The following ERBB4 variants were observed in gnomAD, a reference collection of about 807,000 sequenced individuals.
ERBB4 encodes the protein receptor tyrosine-protein kinase erbB-4.
A neutral mutation model predicts 158.0 loss-of-function variants in ERBB4; 42 were observed. That is an observed-to-expected ratio of 0.27 (90% CI 0.21 to 0.34). The LOEUF is 0.34. Among genes scored for constraint, ERBB4 ranks in the 10% least tolerant of loss-of-function variants. ERBB4 has a pLI of 1.00. For synonymous variants in ERBB4, 583 were observed against 558.7 expected, an observed-to-expected ratio of 1.04 and a Z score of -0.61; for missense variants, 1,333 against 1,624.1, an observed-to-expected ratio of 0.82 and a Z score of 3.08.
intron 2 of ERBB4, among the ~76,000 whole-genome samples, chr2:211,952,259 T>G (rs1029992600): frequency 2.6e-5 from 4 of 152,076 alleles, no homozygotes; most frequent in Non-Finnish European, 4.4e-5. Flanking sequence ...GAAACTCCAG[T>G]GCAGATCATG....
intron 3 of ERBB4, among the ~76,000 whole-genome samples, chr2:211,800,578 G>A (rs1460909417): frequency 6.7e-6 from 1 of 150,260 alleles, no homozygotes; most frequent in African/African-American, 2.4e-5. Flanking sequence ...TTTCCCTGAA[G>A]TCCTTTTTGA....
chr2:212,128,837 G>T (rs2080021789), intron 1 of ERBB4, among the ~76,000 whole-genome samples: 2 of 152,040 alleles, frequency 1.3e-5, no homozygotes, highest in Admixed American at 1.3e-4. Flanking sequence ...ATAAGGAGAA[G>T]AAGAAGAAAA....
chr2:211,697,422 CT>C (rs1186719944), intron 12 of ERBB4, among the ~76,000 whole-genome samples: 3 of 151,972 alleles, frequency 2.0e-5, no homozygotes, highest in Non-Finnish European at 2.9e-5. Context: ...AAAGAACAAT[CT>C]AGTCACTTAA....
intron 1 of ERBB4, among the ~76,000 whole-genome samples, chr2:212,407,177 TAACAC>T (rs1037932071): frequency 9.2e-5 from 14 of 151,374 alleles, no homozygotes; most frequent in African/African-American, 3.4e-4. Context: ...CTATATGATA[TAACAC>T]ATATAAATAC....
chr2:211,658,078 G>A (rs534669486), intron 15 of ERBB4: 153 of 975,916 alleles, frequency 1.6e-4, no homozygotes, highest in African/African-American at 8.5e-4. Context: ...TGATTGTCTC[G>A]AATTCTTATA....
chr2:212,022,834 T>A (rs1006486736), intron 2 of ERBB4, among the ~76,000 whole-genome samples: 12 of 152,086 alleles, frequency 7.9e-5, no homozygotes, highest in African/African-American at 2.4e-4. Context: ...AGTATCCTCT[T>A]TTGAAAGGCA....
intron 3 of ERBB4, among the ~76,000 whole-genome samples, chr2:211,905,744 G>GTATA (rs66837219): frequency 0.011 from 1,270 of 119,356 alleles, 30 homozygotes; most frequent in African/African-American, 0.031. Flanking sequence ...GCATGTGTGT[G>GTATA]TATATATATA....
chr2:212,198,566 T>C (rs902429498), intron 1 of ERBB4, among the ~76,000 whole-genome samples: 6 of 152,080 alleles, frequency 3.9e-5, no homozygotes, highest in Admixed American at 6.6e-5. Flanking sequence ...AATAATATTA[T>C]ACTGTATCTG....
intron 20 of ERBB4, among the ~76,000 whole-genome samples, chr2:211,540,219 T>TAC (rs1559275703): frequency 2.0e-5 from 3 of 150,328 alleles, no homozygotes; most frequent in African/African-American, 7.3e-5. Flanking sequence ...CACACACATA[T>TAC]ATATAATACA....
chr2:212,164,534 G>A (rs2081292181), intron 1 of ERBB4, among the ~76,000 whole-genome samples: 1 of 151,638 alleles, frequency 6.6e-6, no homozygotes, highest in Non-Finnish European at 1.5e-5. Context: ...TTGAAATACT[G>A]TACAAACAAA....
At chr2:211,796,653 G>T (rs1340104295) in intron 3 of ERBB4, among the ~76,000 whole-genome samples, 2 of 151,808 alleles carry the variant, frequency 1.3e-5, no homozygotes, top group African/African-American at 4.8e-5. Flanking sequence ...GTGTATAGTG[G>T]TATTATTTTA....
chr2:212,082,366 CAT>C (rs1559463664), intron 2 of ERBB4, among the ~76,000 whole-genome samples: 1 of 151,858 alleles, frequency 6.6e-6, no homozygotes, highest in African/African-American at 2.4e-5. Context: ...GCTTGTTAAA[CAT>C]AGCAATATTG....
chr2:211,704,922 C>G lies in ERBB4; in HGVS notation c.1198+396G>C, dbSNP rs139961764. On this transcript the variant is annotated intron_variant, in intron 10 of 27. Transcript: ENST00000342788. ...TGCTTTGAAAATTAGTTGCTGATTC[C>G]AATCTTATGTAACTTTTTTTGTTTT... Among the ~76,000 whole-genome samples the G allele has an allele frequency of 6.1e-4, 93 of 151,918 alleles. 1 individual carries two copies. The highest frequency in any genetic ancestry group is 2.2e-3 in the African/African-American group (91 of 41,450).
intron 3 of ERBB4, among the ~76,000 whole-genome samples, chr2:211,790,366 G>A (rs1314175800): frequency 6.6e-6 from 1 of 151,934 alleles, no homozygotes. Context: ...CAGAAAGAGT[G>A]TATATTTTTC....
chr2:211,574,345 A>C (rs1340153328), intron 19 of ERBB4, among the ~76,000 whole-genome samples: 1 of 152,220 alleles, frequency 6.6e-6, no homozygotes, highest in African/African-American at 2.4e-5. Context: ...AAGATGGCTA[A>C]AGTAGATTTT....
At chr2:211,562,588 A>G (rs1433742086) in intron 19 of ERBB4, among the ~76,000 whole-genome samples, 1 of 152,190 alleles carries the variant, frequency 6.6e-6, no homozygotes, top group East Asian at 1.9e-4. Context: ...GGAAATGTAG[A>G]TAATTACAAG....
At chr2:211,404,417 CCT>C (rs1356740932) in intron 25 of ERBB4, among the ~76,000 whole-genome samples, 2 of 152,130 alleles carry the variant, frequency 1.3e-5, no homozygotes, top group East Asian at 1.9e-4. Context: ...TGCTCTTCTC[CCT>C]CTCTGTCAAC....
At position 211,918,883 on chromosome 2, in the gene ERBB4, T is replaced by C. The variant is rs139881487; in HGVS notation, c.421+28547A>G. Among the ~76,000 whole-genome samples the C allele has an allele frequency of 5.9e-3, 896 of 152,208 alleles. 2 individuals carry two copies. Among genetic ancestry groups the C allele is most frequent in the Non-Finnish European group, 9.9e-3 (672 of 67,948 alleles). On this transcript the variant is annotated intron_variant, in intron 3 of 27. Transcript: ENST00000342788. The stretch of plus-strand genomic sequence containing the variant: ...CTCATTCTTATTACTGTTAAAAATA[T>C]AAAAGAAATATAGTTTTAAGCCACT...
chr2:212,081,427 C>A (rs2078439558), intron 2 of ERBB4, among the ~76,000 whole-genome samples: 1 of 152,120 alleles, frequency 6.6e-6, no homozygotes, highest in Admixed American at 6.6e-5. Flanking sequence ...AATTGCCTTT[C>A]CTGGATGACA....
Sources: gnomAD v4.1 joint callset for allele counts (sites outside exome capture counted in the v4.1 genomes callset) on GRCh38, gnomAD v4.1.1 for gene constraint, MANE v1.5 for transcripts, NCBI Gene and HGNC (gene_info 2026-07-23, HGNC 2026-07-21) for gene names.